Variants in DIAPH2 observed in about 807,000 individuals in gnomAD.
DIAPH2 encodes the protein diaphanous related formin 2.
In DIAPH2, 35 loss-of-function variants were observed where a neutral mutation model predicts 92.7. The observed-to-expected ratio is 0.38, with a 90% CI of 0.29 to 0.50. The LOEUF (loss-of-function observed/expected upper bound fraction) is 0.50. DIAPH2 is among the 20% of genes least tolerant of loss of function. The pLI, the probability that DIAPH2 is intolerant of heterozygous loss-of-function variation, is 0.94. For missense variants in DIAPH2, 701 were observed against 819.5 expected (o/e 0.86, Z 1.77); for synonymous variants, 301 against 280.4 (o/e 1.07, Z -0.73).
intron 26 of DIAPH2, among the ~76,000 whole-genome samples, chrX:97,532,990 T>G: frequency 9.1e-6 from 1 of 109,999 alleles, no homozygotes; most frequent in South Asian, 3.8e-4. Flanking sequence ...AAACTCATCT[T>G]TATTTCTATT....
chrX:97,160,008 G>C (rs1018141329), intron 22 of DIAPH2, among the ~76,000 whole-genome samples: 1 of 105,878 alleles, frequency 9.4e-6, no homozygotes, highest in Admixed American at 1.1e-4. Context: ...AAGGCGCCAA[G>C]CAAGGAAATG....
intron 17 of DIAPH2, among the ~76,000 whole-genome samples, chrX:97,053,808 A>G (rs745910005): frequency 8.9e-6 from 1 of 112,030 alleles, no homozygotes; most frequent in African/African-American, 3.2e-5. Context: ...ATGGACCTTT[A>G]GTAATGAATG....
chrX:96,870,129 C>T (rs750876810), intron 4 of DIAPH2, among the ~76,000 whole-genome samples: 2 of 111,439 alleles, frequency 1.8e-5, no homozygotes, highest in East Asian at 2.8e-4. Flanking sequence ...ATGACTTCTC[C>T]GTGACTCAGT....
At chrX:96,800,336 A>G (rs2064573190) in intron 4 of DIAPH2, among the ~76,000 whole-genome samples, 1 of 111,827 alleles carries the variant, frequency 8.9e-6, no homozygotes, top group Non-Finnish European at 1.9e-5. Flanking sequence ...TTGAGTCCCC[A>G]GGACACTCAG....
At chrX:96,776,641 C>T (rs1318865244) in intron 4 of DIAPH2, among the ~76,000 whole-genome samples, 1 of 109,193 alleles carries the variant, frequency 9.2e-6, no homozygotes, top group Non-Finnish European at 1.9e-5. Flanking sequence ...ACTAAGATCA[C>T]ATGAACTCAG....
At chrX:96,957,165 C>T (rs766395964) in intron 15 of DIAPH2, among the ~76,000 whole-genome samples, 9 of 112,054 alleles carry the variant, frequency 8.0e-5, no homozygotes, top group African/African-American at 2.9e-4. Flanking sequence ...GGATTACAGG[C>T]ACGTGTCACC....
At chrX:96,885,011 C>A in intron 5 of DIAPH2, 1 of 1,210,702 alleles carries the variant, frequency 8.3e-7, no homozygotes, top group South Asian at 1.8e-5. Context: ...AGCGTCAAGG[C>A]CATCAAGGAA....
intron 23 of DIAPH2, among the ~76,000 whole-genome samples, chrX:97,347,176 C>T (rs2069165819): frequency 9.5e-6 from 1 of 105,687 alleles, no homozygotes; most frequent in Non-Finnish European, 1.9e-5. Context: ...ACAGCCTCCA[C>T]CTCCCGAGTT....
intron 17 of DIAPH2, among the ~76,000 whole-genome samples, chrX:97,033,412 T>C (rs1387542241): frequency 8.9e-6 from 1 of 111,827 alleles, no homozygotes; most frequent in Admixed American, 9.5e-5. Flanking sequence ...GTAAATGTCC[T>C]TTTGAAAGGT....
At chrX:97,403,194 A>C (rs964141671) in intron 25 of DIAPH2, among the ~76,000 whole-genome samples, 2 of 112,180 alleles carry the variant, frequency 1.8e-5, no homozygotes, top group Non-Finnish European at 3.8e-5. Flanking sequence ...GAATAAAATG[A>C]ATGTTTTGAC....
At chrX:96,770,137 G>A (rs992116042) in intron 4 of DIAPH2, among the ~76,000 whole-genome samples, 5 of 109,277 alleles carry the variant, frequency 4.6e-5, no homozygotes, top group African/African-American at 1.3e-4. Context: ...GGCAGAGGTT[G>A]CAGTGAGCCG....
chrX:97,555,919 G>A (rs1239668208), intron 26 of DIAPH2, among the ~76,000 whole-genome samples: 1 of 112,028 alleles, frequency 8.9e-6, no homozygotes, highest in African/African-American at 3.2e-5. Context: ...GCCAATCGCA[G>A]TTACTCTACC....
rs2064275949 is a variant in DIAPH2, at chrX:96,762,613, C to T, written c.447+4355C>T. ...AATGTAACATTTATATACTAAAATA[C>T]CTTAATAGTATACCTGCCATAAGAA... On this transcript the variant is annotated intron_variant, in intron 4 of 26. Coordinates refer to ENST00000324765, the MANE Select transcript of DIAPH2 (RefSeq NM_006729.5). 2.7e-5 allele frequency among the ~76,000 whole-genome samples: 3 copies of T among 110,347 alleles called. No homozygotes were observed. The South Asian group carries it at 1.1e-3, about 42-fold the overall frequency.
At chrX:97,507,917 T>C (rs2070848994) in intron 26 of DIAPH2, among the ~76,000 whole-genome samples, 1 of 110,397 alleles carries the variant, frequency 9.1e-6, no homozygotes, top group Non-Finnish European at 1.9e-5. Flanking sequence ...GAATCCAGAG[T>C]GGGAAGAGTT....
intron 17 of DIAPH2, among the ~76,000 whole-genome samples, chrX:96,987,788 G>T (rs2066042076): frequency 9.0e-6 from 1 of 110,698 alleles, no homozygotes; most frequent in African/African-American, 3.3e-5. Context: ...CAACTTTGGG[G>T]TCACTGTATC....
Position 96,939,380 on chromosome X carries a change from C to T in DIAPH2, c.1323C>T (p.Ile441=). Residue 441 remains isoleucine, a splice_region_variant and synonymous_variant, in exon 12 of 27, where the codon ATC becomes ATT. Coordinates refer to ENST00000324765, the MANE Select transcript of DIAPH2 (RefSeq NM_006729.5). The part of the protein sequence containing the change: ...HFLLIRNDYY[I]RPQYYKIIEE... Reference sequence around the variant, plus strand: ...TGCTTATCAGAAATGATTATTATATCAGGTAAGAGGCAGTTCTGAGAGTAC... The same window carrying T: ...TGCTTATCAGAAATGATTATTATATTAGGTAAGAGGCAGTTCTGAGAGTAC... 1.1e-6 allele frequency: 1 copy of T among 898,227 alleles called. No individual in the cohort carries two copies. Among genetic ancestry groups the T allele is most frequent in the Non-Finnish European group, 1.6e-6 (1 of 622,689 alleles). 74.0% of individuals were successfully genotyped at this position (898,227 alleles called of 1,213,427 possible).
At chrX:97,526,161 C>A (rs769643197) in intron 26 of DIAPH2, among the ~76,000 whole-genome samples, 2 of 110,782 alleles carry the variant, frequency 1.8e-5, no homozygotes, top group South Asian at 7.8e-4. Flanking sequence ...TCTTGTCAGA[C>A]GTGTTTCCTA....
At chrX:97,525,176 C>G (rs746494627) in intron 26 of DIAPH2, among the ~76,000 whole-genome samples, 1 of 112,186 alleles carries the variant, frequency 8.9e-6, no homozygotes, top group East Asian at 2.8e-4. Flanking sequence ...AATGTGTCAC[C>G]TCTGTGGCTT....
chrX:97,300,649 C>G (rs1188778393), intron 23 of DIAPH2, among the ~76,000 whole-genome samples: 3 of 103,830 alleles, frequency 2.9e-5, no homozygotes, highest in African/African-American at 1.0e-4. Context: ...AAGAATGTCT[C>G]CGGCCGGGCG....
Sources: allele counts gnomAD v4.1 joint callset (sites outside exome capture counted in the v4.1 genomes callset), GRCh38; gene constraint gnomAD v4.1.1; transcripts MANE v1.5; gene names NCBI Gene and HGNC (gene_info 2026-07-23, HGNC 2026-07-21).